The following ZNF454 variants were observed in gnomAD, a reference collection of about 807,000 sequenced individuals.
ZNF454 encodes the protein zinc finger protein 454.
A neutral mutation model predicts 48.2 loss-of-function variants in ZNF454; 30 were observed. The ratio of observed to expected loss-of-function variants is 0.62; its 90% CI spans 0.47 to 0.84. The LOEUF is 0.84. Ranked by LOEUF, ZNF454 falls within the 40% of genes least tolerant of loss-of-function variation. The pLI is 0.00. For synonymous variants in ZNF454, 204 were observed against 211.4 expected, an observed-to-expected ratio of 0.97 and a Z score of 0.30; for missense variants, 510 against 623.1, an observed-to-expected ratio of 0.82 and a Z score of 1.93.
the ZNF454 span, among the ~76,000 whole-genome samples, chr5:178,976,499 G>A: frequency 6.6e-6 from 1 of 152,124 alleles, no homozygotes; most frequent in Non-Finnish European, 1.5e-5. Flanking sequence ...GTGAGATGGG[G>A]TCCTGGGACT....
At chr5:178,973,509 T>A in the ZNF454 span, among the ~76,000 whole-genome samples, 1 of 152,190 alleles carries the variant, frequency 6.6e-6, no homozygotes, top group Non-Finnish European at 1.5e-5. Context: ...GGCAAATCTT[T>A]TATCCTCCAG....
the ZNF454 span, chr5:178,989,200 T>TACC: frequency 7.5e-7 from 1 of 1,333,670 alleles, no homozygotes; most frequent in Non-Finnish European, 1.0e-6. Flanking sequence ...CCTCCCGCCT[T>TACC]CCCCCTCCCC....
At chr5:178,983,125 C>A in the ZNF454 span, 6 of 1,613,782 alleles carry the variant, frequency 3.7e-6, no homozygotes, top group East Asian at 4.5e-5. Context: ...CACTTGAGCA[C>A]CCCTCTGGCC....
Position 178,965,150 on chromosome 5 carries a change from G to A in ZNF454, c.746G>A (p.Cys249Tyr). ...TGEKPYECKECGKAFSVSSSL... is the reference protein window; with the variant it reads ...TGEKPYECKEYGKAFSVSSSL... Reference sequence around the variant, plus strand: ...GAGAAACCCTATGAATGTAAGGAATGTGGCAAGGCCTTCTCAGTGAGCTCC... The same window carrying A: ...GAGAAACCCTATGAATGTAAGGAATATGGCAAGGCCTTCTCAGTGAGCTCC... The change falls in exon 5 of 5, where the codon TGT becomes TAT. Residue 249 changes from cysteine to tyrosine, a missense_variant. Coordinates refer to ENST00000519564, the MANE Select transcript of ZNF454 (RefSeq NM_001178089.3). The surrounding 1 kb of genome is among the most constrained non-coding windows in gnomAD (Gnocchi z 5.2). 1 of 1,614,224 alleles carries A rather than the reference G, an allele frequency of 6.2e-7. No individual in the cohort carries two copies. The highest frequency in any genetic ancestry group is 1.7e-5 in the Admixed American group (1 of 60,034).
chr5:178,986,044 G>A, the ZNF454 span: 1 of 1,259,086 alleles, frequency 7.9e-7, no homozygotes, highest in South Asian at 1.4e-5. Flanking sequence ...CTACAGGCGT[G>A]TGCCACTGTG....
chr5:178,955,053 A>G (rs1015914939), intron 4 of ZNF454, among the ~76,000 whole-genome samples: 1 of 152,210 alleles, frequency 6.6e-6, no homozygotes, highest in Non-Finnish European at 1.5e-5. Context: ...TTTTGTGGGC[A>G]TATGTTCTCA....
the ZNF454 span, chr5:178,981,413 G>GGTT: frequency 1.8e-6 from 1 of 543,854 alleles, no homozygotes; most frequent in Non-Finnish European, 3.3e-6. The surrounding 1 kb of genome is among the most constrained non-coding windows in gnomAD (Gnocchi z 5.1). Context: ...CCTTCTCGGT[G>GGTT]GCTGTTTCCC....
rs114228609 is a variant in ZNF454, at chr5:178,951,266, G to A, written c.250+4280G>A. Among the ~76,000 whole-genome samples, 673 of 152,234 alleles carry A rather than the reference G, an allele frequency of 4.4e-3. 7 individuals carry two copies. Among genetic ancestry groups the A allele is most frequent in the African/African-American group, 0.015 (640 of 41,532 alleles). On this transcript the variant is annotated intron_variant, in intron 4 of 4. Coordinates refer to ENST00000519564, the MANE Select transcript of ZNF454 (RefSeq NM_001178089.3). ...ATTTATTTTGAATATCGTACATCAT[G>A]TATACACAAAATAATATGTAGTATT...
chr5:178,983,834 G>T, the ZNF454 span, among the ~76,000 whole-genome samples: 4 of 152,190 alleles, frequency 2.6e-5, no homozygotes, highest in African/African-American at 9.6e-5. Flanking sequence ...TGGGGAACAG[G>T]AACGAAGCCA....
rs954616560 is a variant in ZNF454, at chr5:178,941,574, C to T, written c.-108+130C>T. On this transcript the variant is annotated intron_variant, in intron 1 of 4. Transcript: ENST00000519564. The surrounding 1 kb of genome is among the most constrained non-coding windows in gnomAD (Gnocchi z 5.5). ...TCTGGCATGTGTCTTGGAGCGGACT[C>T]CGAGAAGCCCAGGGTTTCCTCTCAG... The T allele has an allele frequency of 2.3e-6, 1 of 442,184 alleles. No homozygotes were observed. Among genetic ancestry groups the T allele is most frequent in the African/African-American group, 2.0e-5 (1 of 49,738 alleles). 27.4% of individuals were successfully genotyped at this position (442,184 alleles called of 1,614,324 possible).
the ZNF454 span, chr5:178,981,768 G>A: frequency 5.0e-6 from 8 of 1,612,816 alleles, no homozygotes; most frequent in Admixed American, 5.0e-5. This position sits in a 1 kb window ranked among gnomAD's most constrained non-coding sequence, Gnocchi z 5.1. Context: ...AGAGGATGAC[G>A]TAGGTTTTGG....
the ZNF454 span, chr5:178,987,440 C>T: frequency 4.4e-6 from 2 of 457,716 alleles, no homozygotes; most frequent in Admixed American, 2.3e-5. Context: ...TGGACGAACA[C>T]GACGGGGCCA....
the ZNF454 span, among the ~76,000 whole-genome samples, chr5:178,973,006 A>C: frequency 1.4e-4 from 21 of 151,556 alleles, no homozygotes; most frequent in African/African-American, 3.9e-4. Flanking sequence ...AAAAAAAAAA[A>C]AAACCCAGAG....
intron 4 of ZNF454, among the ~76,000 whole-genome samples, chr5:178,957,613 G>A (rs565796519): frequency 8.5e-5 from 13 of 152,150 alleles, no homozygotes; most frequent in African/African-American, 2.9e-4. Context: ...GTTTCACCGT[G>A]TTAGCCAGGA....
At chr5:178,989,195 C>T in the ZNF454 span, 6 of 1,555,804 alleles carry the variant, frequency 3.9e-6, no homozygotes, top group East Asian at 4.7e-5. Context: ...CCCGGCCTCC[C>T]GCCTTCCCCC....
the ZNF454 span, chr5:178,977,547 G>T: frequency 4.5e-6 from 1 of 220,628 alleles, no homozygotes; most frequent in South Asian, 5.0e-5. Flanking sequence ...AAGTGATGAG[G>T]CTTAAAATTT....
At chr5:178,982,351 A>G in the ZNF454 span, among the ~76,000 whole-genome samples, 1 of 152,080 alleles carries the variant, frequency 6.6e-6, no homozygotes, top group African/African-American at 2.4e-5. Context: ...GCCGAGGCAG[A>G]TGGGTCACTT....
At chr5:178,958,958 A>G (rs1759887625) in intron 4 of ZNF454, among the ~76,000 whole-genome samples, 1 of 152,080 alleles carries the variant, frequency 6.6e-6, no homozygotes, top group South Asian at 2.1e-4. Context: ...CCCACTCTGG[A>G]TAATGATGTC....
At chr5:178,984,813 G>T in the ZNF454 span, among the ~76,000 whole-genome samples, 2 of 152,130 alleles carry the variant, frequency 1.3e-5, no homozygotes, top group Admixed American at 1.3e-4. Flanking sequence ...CGCCGGGAGT[G>T]GACAGCACCG....
Sources: allele counts gnomAD v4.1 joint callset (sites outside exome capture counted in the v4.1 genomes callset), GRCh38; gene constraint gnomAD v4.1.1; non-coding constraint Gnocchi (gnomAD v3.1); transcripts MANE v1.5; gene names NCBI Gene and HGNC (gene_info 2026-07-23, HGNC 2026-07-21).